FAM171A1: variants seen among roughly 807,000 people sequenced by gnomAD.
The protein encoded by FAM171A1 is protein FAM171A1.
Under a neutral mutation model 74.9 loss-of-function variants are expected in FAM171A1, and 23 were observed. That is an observed-to-expected ratio of 0.31 (90% CI 0.22 to 0.44). The LOEUF (loss-of-function observed/expected upper bound fraction) is 0.44. FAM171A1 is among the 20% of genes least tolerant of loss of function. The probability of loss-of-function intolerance (pLI) is 1.00; values close to 1 mark genes in which losing one functional copy is unlikely to be tolerated. For synonymous variants in FAM171A1, 527 were observed against 505.7 expected, an observed-to-expected ratio of 1.04 and a Z score of -0.57; for missense variants, 1,162 against 1,159.2, an observed-to-expected ratio of 1.00 and a Z score of -0.03.
In FAM171A1 at chr10:15,214,174, T is replaced by G; in HGVS notation, c.1414A>C (p.Met472Leu). 6.2e-7 allele frequency: 1 copy of G among 1,614,170 alleles called. No homozygotes were observed. The highest frequency in any genetic ancestry group is 8.5e-7 in the Non-Finnish European group (1 of 1,180,044). ...EVFPLKARKS[M>L]EREGYESSGN... is the part of the protein sequence containing the mutation. ...GAGGACTCGTAGCCTTCTCTTTCCA[T>G]AGATTTTCTTGCCTTTAAGGGAAAA... The change falls in exon 8 of 8, where the codon ATG (methionine) becomes CTG (leucine). Residue 472 changes from methionine (M) to leucine (L), a missense_variant. Met to Leu is a conservative substitution (Grantham distance 15). Coordinates refer to ENST00000378116, the MANE Select transcript of FAM171A1 (RefSeq NM_001010924.2).
intron 1 of FAM171A1, among the ~76,000 whole-genome samples, chr10:15,286,340 G>C (rs1835035041): frequency 6.6e-6 from 1 of 152,120 alleles, no homozygotes; most frequent in South Asian, 2.1e-4. Context: ...GAGTGCAATG[G>C]CATGATCTCA....
intron 5 of FAM171A1, among the ~76,000 whole-genome samples, chr10:15,230,938 C>A (rs1264325692): frequency 6.6e-6 from 1 of 152,172 alleles, no homozygotes; most frequent in Non-Finnish European, 1.5e-5. Context: ...ACCCATCTTG[C>A]AATTACATGT....
At chr10:15,222,558 A>G (rs1048090387) in intron 5 of FAM171A1, among the ~76,000 whole-genome samples, 5 of 152,250 alleles carry the variant, frequency 3.3e-5, no homozygotes, top group Non-Finnish European at 5.9e-5. Flanking sequence ...CGTTGACCCA[A>G]TCATCATCCT....
chr10:15,258,437 C>T (rs1216749546), intron 3 of FAM171A1, among the ~76,000 whole-genome samples: 1 of 152,188 alleles, frequency 6.6e-6, no homozygotes, highest in Non-Finnish European at 1.5e-5. Flanking sequence ...CTTGGCTCAA[C>T]CACCTGTTTT....
At chr10:15,235,499 C>T (rs529664156) in intron 5 of FAM171A1, among the ~76,000 whole-genome samples, 13 of 152,062 alleles carry the variant, frequency 8.5e-5, no homozygotes, top group African/African-American at 2.9e-4. Flanking sequence ...TCAATTCTTC[C>T]ACTACCTTTC....
At position 15,288,813 on chromosome 10, in the gene FAM171A1, CT is replaced by C. The variant is rs71505064; in HGVS notation, c.98-4709del. 2.2e-3 allele frequency among the ~76,000 whole-genome samples: 163 copies of C among 73,686 alleles called. No homozygotes were observed. In the East Asian group the frequency reaches 0.03, roughly 14 times the overall value. The allele number at this position is 73,686 out of a possible 152,430, so 48.3% of individuals were successfully genotyped here. ...AAAATGTCAGTATGATTCGGTAATT[CT>C]TTTTTTTTTTTTTTTTTTTTTTTTT... On this transcript the variant is annotated intron_variant, in intron 1 of 7. Transcript: ENST00000378116.
rs370616970 is a variant in FAM171A1 at position 15,214,157 on chromosome 10, G to A, written c.1431C>T (p.Tyr477=). ...KARKSMEREG[Y]ESSGNDDYRG... ...TGTAGTCATCATTGCCCGAGGACTC[G>A]TAGCCTTCTCTTTCCATAGATTTTC... is the stretch of plus-strand genomic sequence containing the variant. Residue 477 remains tyrosine, a synonymous_variant, in exon 8 of 8, where the codon TAC becomes TAT. Coordinates refer to ENST00000378116, the MANE Select transcript of FAM171A1 (RefSeq NM_001010924.2). 1.9e-5 allele frequency: 31 copies of A among 1,614,030 alleles called. No individual in the cohort carries two copies. The African/African-American group carries it at 2.3e-4, about 12-fold the overall frequency.
chr10:15,275,990 T>C (rs752542945), intron 2 of FAM171A1, 43 bp from the exon 3 acceptor site: 5 of 1,411,626 alleles, frequency 3.5e-6, no homozygotes, highest in African/African-American at 1.4e-5. Context: ...TTAATAGTCA[T>C]ATTTAAGTGC....
intron 5 of FAM171A1, among the ~76,000 whole-genome samples, chr10:15,236,423 A>G (rs1245888323): frequency 6.6e-6 from 1 of 151,984 alleles, no homozygotes; most frequent in Non-Finnish European, 1.5e-5. Flanking sequence ...CAGCAATTCT[A>G]TGAGGGAGGG....
At chr10:15,252,594 C>T (rs1834523776) in intron 4 of FAM171A1, among the ~76,000 whole-genome samples, 1 of 152,180 alleles carries the variant, frequency 6.6e-6, no homozygotes, top group Admixed American at 6.5e-5. Flanking sequence ...GGTGTCTGTG[C>T]TCAAGGGAGC....
At position 15,371,087 on chromosome 10, in the gene FAM171A1, C is replaced by G. The variant is rs769379654; in HGVS notation, c.-35G>C. 7.3e-6 allele frequency: 7 copies of G among 957,370 alleles called. No individual in the cohort carries two copies. In the South Asian group the frequency reaches 2.5e-4, roughly 34 times the overall value. 59.3% of individuals were successfully genotyped at this position (957,370 alleles called of 1,614,324 possible). On this transcript the variant is annotated 5_prime_UTR_variant, in exon 1 of 8. Transcript: ENST00000378116. ...GGGGCCGGCGGCGGCTCGGGCTCGC[C>G]GAGAGCGGGCCGGGCGGCGGCGCGT...
intron 1 of FAM171A1, among the ~76,000 whole-genome samples, chr10:15,338,082 C>T (rs754729183): frequency 2.6e-5 from 4 of 152,148 alleles, no homozygotes; most frequent in Non-Finnish European, 4.4e-5. Flanking sequence ...AATTAAACGC[C>T]TTTCACTTTG....
chr10:15,331,307 T>C (rs902676942), intron 1 of FAM171A1, among the ~76,000 whole-genome samples: 1 of 152,176 alleles, frequency 6.6e-6, no homozygotes, highest in Non-Finnish European at 1.5e-5. Flanking sequence ...CCTAGAAAAG[T>C]TGAATACTTT....
In FAM171A1 at chr10:15,254,811, T is replaced by C. The variant is rs748772452; in HGVS notation, c.487A>G (p.Ser163Gly). ...ALRLPENTSYSDLTAFLTAAS... is the reference protein window; with the variant it reads ...ALRLPENTSYGDLTAFLTAAS... Reference sequence around the variant, plus strand: ...GCCGTGAGAAACGCGGTCAGGTCACTGTAGCTGGTGTTCTCAGGCAACCTC... The same window carrying C: ...GCCGTGAGAAACGCGGTCAGGTCACCGTAGCTGGTGTTCTCAGGCAACCTC... Residue 163 changes from serine to glycine, a missense_variant, in exon 4 of 8, where the codon AGT (serine) becomes GGT (glycine). By Grantham distance (56) the Ser-to-Gly change is moderately conservative. Transcript: ENST00000378116. 1.2e-6 allele frequency: 2 copies of C among 1,614,212 alleles called. No individual in the cohort carries two copies. Among genetic ancestry groups the C allele is most frequent in the South Asian group, 1.1e-5 (1 of 91,086 alleles).
At chr10:15,274,392 A>T (rs980805886) in intron 3 of FAM171A1, among the ~76,000 whole-genome samples, 1 of 152,246 alleles carries the variant, frequency 6.6e-6, no homozygotes, top group African/African-American at 2.4e-5. Context: ...AAGAGGACAC[A>T]AACAAATGGA....
At chr10:15,248,415 C>A (rs1834461573) in intron 5 of FAM171A1, among the ~76,000 whole-genome samples, 1 of 152,010 alleles carries the variant, frequency 6.6e-6, no homozygotes, top group Non-Finnish European at 1.5e-5. Context: ...GTTAAATGTG[C>A]AAAACAAAAA....
At chr10:15,228,336 A>ATT (rs71390021) in intron 5 of FAM171A1, among the ~76,000 whole-genome samples, 10,845 of 123,906 alleles carry the variant, frequency 0.088, 555 homozygotes, top group East Asian at 0.21. Context: ...AAGTGGGAGT[A>ATT]TTTTTTTTTT....
chr10:15,291,818 G>A (rs1025507017), intron 1 of FAM171A1, among the ~76,000 whole-genome samples: 5 of 152,074 alleles, frequency 3.3e-5, no homozygotes, highest in Non-Finnish European at 7.3e-5. Context: ...CTGGCCTGGC[G>A]CACTCTCCCC....
chr10:15,290,287 C>A (rs953612869), intron 1 of FAM171A1, among the ~76,000 whole-genome samples: 1 of 152,098 alleles, frequency 6.6e-6, no homozygotes, highest in Non-Finnish European at 1.5e-5. Flanking sequence ...CCAGCCACCC[C>A]ACCTGACCCC....
Sources: allele counts gnomAD v4.1 joint callset (sites outside exome capture counted in the v4.1 genomes callset), GRCh38; gene constraint gnomAD v4.1.1; transcripts MANE v1.5; gene names NCBI Gene and HGNC (gene_info 2026-07-23, HGNC 2026-07-21).